Variants in MYLK observed in about 807,000 individuals in gnomAD.
MYLK encodes myosin light chain kinase, smooth muscle.
Under a neutral mutation model 203.4 loss-of-function variants are expected in MYLK, and 106 were observed. The ratio of observed to expected loss-of-function variants is 0.52; its 90% confidence interval spans 0.45 to 0.61. The LOEUF (loss-of-function observed/expected upper bound fraction) is 0.61, where lower values mean the gene tolerates loss of function less well. Ranked by LOEUF, MYLK falls within the 20% of genes least tolerant of loss-of-function variation. The pLI is 0.00. For synonymous variants in MYLK, 867 were observed against 959.5 expected (o/e 0.90, Z 1.78); for missense variants, 2,072 against 2,442.3 (o/e 0.85, Z 3.20).
intron 29 of MYLK, among the ~76,000 whole-genome samples, chr3:123,635,656 C>T (rs562229510): frequency 6.6e-6 from 1 of 152,336 alleles, no homozygotes; most frequent in African/African-American, 2.4e-5. Flanking sequence ...ATCTGGTAAA[C>T]AAGGTAACAT....
intron 23 of MYLK, among the ~76,000 whole-genome samples, chr3:123,658,951 G>C (rs1046906245): frequency 7.9e-5 from 12 of 152,196 alleles, no homozygotes; most frequent in Non-Finnish European, 1.5e-5. Context: ...AATGATTCTG[G>C]GATTGTGACA....
At chr3:123,806,106 C>T (rs1457135329) in intron 3 of MYLK, among the ~76,000 whole-genome samples, 1 of 152,004 alleles carries the variant, frequency 6.6e-6, no homozygotes, top group Admixed American at 6.5e-5. Context: ...TTAATTCATG[C>T]TTTTAAAGTG....
intron 22 of MYLK, 43 bp from the exon 23 acceptor site, chr3:123,664,301 T>C (rs2059663992): frequency 6.2e-7 from 1 of 1,613,742 alleles, no homozygotes; most frequent in Non-Finnish European, 8.5e-7. Flanking sequence ...CTTGGGCCCC[T>C]GGGCTAGGAA....
rs114161716 is a variant in MYLK, at chr3:123,809,801, C to T, written c.-3-15957G>A. ...AAGCCTTGTATTACAGGAAATAGGA[C>T]GTACACGCAGTAGCCAAATGCCACA... On this transcript the variant is annotated intron_variant, in intron 3 of 33. Coordinates refer to ENST00000360304, the MANE Select transcript of MYLK (RefSeq NM_053025.4). Among the ~76,000 whole-genome samples the T allele has an allele frequency of 7.5e-3, 1,136 of 152,292 alleles. 19 individuals carry two copies. Among genetic ancestry groups the T allele is most frequent in the African/African-American group, 0.025 (1,040 of 41,552 alleles).
chr3:123,782,225 C>T (rs1017057654), intron 4 of MYLK, among the ~76,000 whole-genome samples: 5 of 152,118 alleles, frequency 3.3e-5, no homozygotes, highest in Admixed American at 6.5e-5. Context: ...TAATTAAAAT[C>T]TAAATTGTAG....
At chr3:123,750,695 C>T (rs2063165789) in intron 5 of MYLK, among the ~76,000 whole-genome samples, 1 of 152,174 alleles carries the variant, frequency 6.6e-6, no homozygotes, top group Non-Finnish European at 1.5e-5. Context: ...CTAAACAGAA[C>T]TCAGAAGAGG....
chr3:123,666,002 T>C (rs944081953), intron 22 of MYLK, among the ~76,000 whole-genome samples: 5 of 152,186 alleles, frequency 3.3e-5, no homozygotes, highest in African/African-American at 1.2e-4. Flanking sequence ...TTACACAAAT[T>C]GTCTACAAAG....
rs180934408 is a variant in MYLK at position 123,626,654 on chromosome 3, G to C, written c.5238+164C>G. On this transcript the variant is annotated intron_variant, in intron 31 of 33. Coordinates refer to ENST00000360304, the MANE Select transcript of MYLK (RefSeq NM_053025.4). ...AAAGGGACTCTGCACTCAGGACTAA[G>C]CAAACCACTGTACCTTAATCAGCTG... Among the ~76,000 whole-genome samples the C allele has an allele frequency of 1.2e-3, 181 of 152,296 alleles. No individual in the cohort carries two copies. Among genetic ancestry groups the C allele is most frequent in the African/African-American group, 4.3e-3 (178 of 41,550 alleles).
chr3:123,846,918 T>C (rs2030081878), intron 2 of MYLK, among the ~76,000 whole-genome samples: 1 of 152,162 alleles, frequency 6.6e-6, no homozygotes, highest in South Asian at 2.1e-4. Flanking sequence ...TTAATTTTTC[T>C]AATTGGTTAT....
intron 1 of MYLK, among the ~76,000 whole-genome samples, chr3:123,878,137 A>T (rs191067403): frequency 3.9e-4 from 60 of 152,242 alleles, no homozygotes; most frequent in African/African-American, 1.2e-3. Flanking sequence ...TACAAGATGA[A>T]CCACAGCTGG....
intron 2 of MYLK, among the ~76,000 whole-genome samples, chr3:123,867,481 G>A (rs1314764496): frequency 2.0e-5 from 3 of 150,436 alleles, no homozygotes; most frequent in Non-Finnish European, 4.4e-5. Flanking sequence ...GACACACAGA[G>A]AGGAGGACAT....
intron 9 of MYLK, 77 bp from the exon 10 acceptor site, chr3:123,734,299 ATT>A (rs2062600649): frequency 2.2e-6 from 3 of 1,367,690 alleles, no homozygotes; most frequent in Non-Finnish European, 2.9e-6. Context: ...ACTCACAAAT[ATT>A]ACTCATCACA....
intron 3 of MYLK, among the ~76,000 whole-genome samples, chr3:123,800,476 T>C (rs2065156987): frequency 6.6e-6 from 1 of 152,138 alleles, no homozygotes; most frequent in South Asian, 2.1e-4. Flanking sequence ...AGAACTCCTG[T>C]GCTGTGTTTC....
chr3:123,865,769 C>T (rs938115069), intron 2 of MYLK, among the ~76,000 whole-genome samples: 8 of 152,186 alleles, frequency 5.3e-5, no homozygotes, highest in Admixed American at 2.6e-4. Flanking sequence ...ATCTTTGACA[C>T]TCCTCCTACC....
At chr3:123,809,296 G>A (rs1264509478) in intron 3 of MYLK, among the ~76,000 whole-genome samples, 2 of 152,092 alleles carry the variant, frequency 1.3e-5, no homozygotes, top group South Asian at 2.1e-4. Context: ...AGGCCAAGGT[G>A]GGCAGATCAC....
chr3:123,869,226 C>T (rs1217741464), intron 2 of MYLK, among the ~76,000 whole-genome samples: 2 of 152,092 alleles, frequency 1.3e-5, no homozygotes, highest in African/African-American at 4.8e-5. Context: ...AACCTCAGAA[C>T]ACATGAAAAG....
chr3:123,848,286 A>G (rs1208741404), intron 2 of MYLK, among the ~76,000 whole-genome samples: 1 of 143,264 alleles, frequency 7.0e-6, no homozygotes, highest in East Asian at 2.0e-4. Context: ...GGTTTTATCT[A>G]TATCACTTTT....
chr3:123,660,126 G>C (rs1412336044), intron 23 of MYLK, among the ~76,000 whole-genome samples: 3 of 152,202 alleles, frequency 2.0e-5, no homozygotes, highest in African/African-American at 7.2e-5. Context: ...CTTGGGAAAT[G>C]GGTCCTCAGC....
intron 16 of MYLK, among the ~76,000 whole-genome samples, chr3:123,703,423 C>G (rs1187057284): frequency 6.6e-6 from 1 of 152,228 alleles, no homozygotes; most frequent in Non-Finnish European, 1.5e-5. Context: ...TCACTCCTCT[C>G]TCCTCCCTGG....
Sources: allele counts gnomAD v4.1 joint callset (sites outside exome capture counted in the v4.1 genomes callset), GRCh38; gene constraint gnomAD v4.1.1; transcripts MANE v1.5; gene names NCBI Gene and HGNC (gene_info 2026-07-23, HGNC 2026-07-21).